PPP1R42: variants seen among roughly 807,000 people sequenced by gnomAD.
PPP1R42 encodes the protein leucine rich repeat containing 67.
PPP1R42 carries 34 observed loss-of-function variants against 31.0 expected under a neutral mutation model. That is an observed-to-expected ratio of 1.10 (90% CI 0.83 to 1.46). PPP1R42 has a LOEUF of 1.46. Among genes scored for constraint, PPP1R42 ranks in the 40% most tolerant of loss-of-function variants. The pLI is 0.00. For missense variants in PPP1R42, 268 were observed against 303.0 expected, an observed-to-expected ratio of 0.88 and a Z score of 0.86; for synonymous variants, 103 against 109.8, an observed-to-expected ratio of 0.94 and a Z score of 0.39.
chr8:67,002,241 C>T (rs1351933357), intron 5 of PPP1R42, among the ~76,000 whole-genome samples: 1 of 152,046 alleles, frequency 6.6e-6, no homozygotes, highest in African/African-American at 2.4e-5. Flanking sequence ...CTCTTGTTGC[C>T]CAGGCTGGAG....
rs1055265907 is a variant in PPP1R42 at position 66,982,224 on chromosome 8, T to C, written c.671-44A>G. ...ATTTAAAAAATACAATATATACATA[T>C]AAACATAAGTCAAAATATGCACTTC... On this transcript the variant is annotated intron_variant, in intron 6 of 7. Transcript: ENST00000685739. 1.6e-4 allele frequency: 159 copies of C among 981,450 alleles called. 2 individuals are homozygous for C. The East Asian group carries it at 4.7e-3, about 29-fold the overall frequency. 60.8% of individuals were successfully genotyped at this position (981,450 alleles called of 1,614,324 possible).
At chr8:66,981,333 G>A (rs942672167) in intron 7 of PPP1R42, among the ~76,000 whole-genome samples, 3 of 151,474 alleles carry the variant, frequency 2.0e-5, no homozygotes, top group African/African-American at 7.3e-5. Flanking sequence ...AGATGTGGTC[G>A]TGATATATTT....
chr8:67,025,921 C>T (rs994573699), intron 1 of PPP1R42, among the ~76,000 whole-genome samples: 2 of 150,842 alleles, frequency 1.3e-5, no homozygotes, highest in African/African-American at 4.9e-5. Context: ...AGAGGAATCG[C>T]TTGAACCTGG....
chr8:66,974,986 T>C lies in PPP1R42; in HGVS notation c.802+7063A>G, dbSNP rs754908563. On this transcript the variant is annotated intron_variant, in intron 7 of 7. Coordinates refer to ENST00000685739, the MANE Select transcript of PPP1R42 (RefSeq NM_001364910.1). Reference sequence around the variant, plus strand: ...CTATTTGTGGTCTTCAGTGGTTCCATATGAATTTTAGAATTGCTTTTTTCT... The same window carrying C: ...CTATTTGTGGTCTTCAGTGGTTCCACATGAATTTTAGAATTGCTTTTTTCT... Among the ~76,000 whole-genome samples, 5 of 152,354 alleles carry C rather than the reference T, an allele frequency of 3.3e-5. No individual in the cohort carries two copies. In the South Asian group the frequency reaches 6.2e-4, roughly 19 times the overall value.
intron 1 of PPP1R42, among the ~76,000 whole-genome samples, chr8:67,020,181 TTG>T (rs928954246): frequency 1.3e-5 from 2 of 149,490 alleles, no homozygotes; most frequent in Admixed American, 1.3e-4. Flanking sequence ...GGGTTTTTTG[TTG>T]TGTTTTGTTT....
intron 5 of PPP1R42, among the ~76,000 whole-genome samples, chr8:67,009,315 C>T (rs1367557381): frequency 3.3e-5 from 5 of 151,958 alleles, no homozygotes; most frequent in African/African-American, 1.2e-4. Flanking sequence ...CACCTGTAAT[C>T]CCAGCACTTT....
intron 5 of PPP1R42, among the ~76,000 whole-genome samples, chr8:66,989,905 G>T (rs1815137808): frequency 6.6e-6 from 1 of 152,152 alleles, no homozygotes; most frequent in African/African-American, 2.4e-5. Flanking sequence ...AGTAATAAAT[G>T]TGTCAGTTCT....
intron 7 of PPP1R42, among the ~76,000 whole-genome samples, chr8:66,978,697 C>T (rs189810134): frequency 9.2e-5 from 14 of 152,222 alleles, no homozygotes; most frequent in Admixed American, 9.2e-4. Context: ...AGATTACAGC[C>T]GTGAGCCACT....
intron 7 of PPP1R42, chr8:66,971,182 A>C: frequency 7.1e-7 from 1 of 1,403,806 alleles, no homozygotes; most frequent in Non-Finnish European, 9.3e-7. Context: ...CTTTGAAATT[A>C]ATAACTAAAT....
At chr8:66,994,506 A>G (rs931283632) in intron 5 of PPP1R42, among the ~76,000 whole-genome samples, 2 of 152,190 alleles carry the variant, frequency 1.3e-5, no homozygotes, top group Non-Finnish European at 1.5e-5. Flanking sequence ...TTGTTTAACC[A>G]TCCTAAGGGA....
intron 4 of PPP1R42, 74 bp downstream of exon 4, chr8:67,012,884 T>C: frequency 1.4e-6 from 2 of 1,401,012 alleles, no homozygotes; most frequent in Non-Finnish European, 1.9e-6. Flanking sequence ...CAAATATACC[T>C]TCACCACATT....
intron 5 of PPP1R42, among the ~76,000 whole-genome samples, chr8:66,995,278 AT>A (rs896316601): frequency 1.3e-5 from 2 of 152,258 alleles, no homozygotes; most frequent in African/African-American, 4.8e-5. Flanking sequence ...ATTATTTAAA[AT>A]GAACCACAAA....
chr8:67,025,069 C>G (rs1306580603), intron 1 of PPP1R42, among the ~76,000 whole-genome samples: 1 of 151,612 alleles, frequency 6.6e-6, no homozygotes, highest in Non-Finnish European at 1.5e-5. Context: ...TCTTGAGCAG[C>G]TGGGACTACA....
At chr8:66,986,615 A>G (rs1176945789) in intron 6 of PPP1R42, among the ~76,000 whole-genome samples, 1 of 152,208 alleles carries the variant, frequency 6.6e-6, no homozygotes, top group African/African-American at 2.4e-5. Context: ...GTTTCCGTGA[A>G]CAAGTTGCTT....
chr8:67,021,462 A>C (rs1398507599), intron 1 of PPP1R42: 1 of 152,182 alleles, frequency 6.6e-6, no homozygotes, highest in Non-Finnish European at 1.5e-5. Flanking sequence ...CAAAATTTTA[A>C]GCTTATTGTT....
At chr8:66,968,403 C>G (rs1045846875) in intron 7 of PPP1R42, 2 of 902,182 alleles carry the variant, frequency 2.2e-6, no homozygotes, top group Non-Finnish European at 1.3e-6. Flanking sequence ...GGGGCACATA[C>G]CTTTAGCTTT....
chr8:67,011,286 G>A (rs1815836585), intron 4 of PPP1R42, among the ~76,000 whole-genome samples: 1 of 152,180 alleles, frequency 6.6e-6, no homozygotes, highest in African/African-American at 2.4e-5. Context: ...CAGCACTTTA[G>A]GAGGTGAAGC....
At chr8:67,021,314 T>C (rs1816209668) in intron 1 of PPP1R42, 1 of 152,144 alleles carries the variant, frequency 6.6e-6, no homozygotes, top group African/African-American at 2.4e-5. Flanking sequence ...ATGGAATGTA[T>C]TCTTAGACTC....
chr8:67,006,405 T>C (rs1815676093), intron 5 of PPP1R42, among the ~76,000 whole-genome samples: 1 of 152,230 alleles, frequency 6.6e-6, no homozygotes. Flanking sequence ...TTCACTGCAG[T>C]CTTGCACTTT....
Sources: allele counts gnomAD v4.1 joint callset (sites outside exome capture counted in the v4.1 genomes callset), GRCh38; gene constraint gnomAD v4.1.1; transcripts MANE v1.5; gene names NCBI Gene and HGNC (gene_info 2026-07-23, HGNC 2026-07-21).